The following CCSER1 variants were observed in gnomAD, a reference collection of about 807,000 sequenced individuals.
CCSER1 encodes coiled-coil serine rich protein 1.
A neutral mutation model predicts 82.0 loss-of-function variants in CCSER1; 41 were observed. The observed-to-expected ratio is 0.50, with a 90% CI of 0.39 to 0.65. The LOEUF (loss-of-function observed/expected upper bound fraction) is 0.65. Ranked by LOEUF, CCSER1 falls within the 30% of genes least tolerant of loss-of-function variation. The probability of loss-of-function intolerance (pLI) is 0.00; values close to 1 mark genes in which losing one functional copy is unlikely to be tolerated. For missense variants in CCSER1, 1,119 were observed against 1,064.2 expected (o/e 1.05, Z -0.72); for synonymous variants, 414 against 383.9 (o/e 1.08, Z -0.92).
chr4:90,654,300 CAT>C (rs1405046676), intron 6 of CCSER1, among the ~76,000 whole-genome samples: 1 of 152,078 alleles, frequency 6.6e-6, no homozygotes, highest in East Asian at 1.9e-4. Flanking sequence ...AATGGAATAA[CAT>C]ATACTTTATA....
Position 91,226,052 on chromosome 4 carries a change from T to C in CCSER1, c.2217+140058T>C, listed in dbSNP as rs116658191. 7.3e-4 allele frequency among the ~76,000 whole-genome samples: 111 copies of C among 152,054 alleles called. No individual in the cohort carries two copies. In the East Asian group the frequency reaches 0.02, roughly 28 times the overall value. On this transcript the variant is annotated intron_variant, in intron 10 of 10. Transcript: ENST00000509176. The stretch of plus-strand genomic sequence containing the variant: ...TAAGTTTTAGGGTACATGTACACAA[T>C]GTGCAGGTTAGTTACATATGTATAC...
At chr4:91,180,378 C>G (rs1733900748) in intron 10 of CCSER1, among the ~76,000 whole-genome samples, 1 of 152,216 alleles carries the variant, frequency 6.6e-6, no homozygotes, top group Non-Finnish European at 1.5e-5. Flanking sequence ...TTTCTGCTGC[C>G]TTTTGTTCAG....
At chr4:90,590,709 T>C (rs889503890) in intron 5 of CCSER1, among the ~76,000 whole-genome samples, 6 of 152,174 alleles carry the variant, frequency 3.9e-5, no homozygotes, top group Non-Finnish European at 8.8e-5. Context: ...AGCCTTGTAG[T>C]ATAGTTTGAA....
intron 9 of CCSER1, among the ~76,000 whole-genome samples, chr4:90,953,459 T>C (rs1245306662): frequency 6.6e-6 from 1 of 151,564 alleles, no homozygotes; most frequent in East Asian, 1.9e-4. Context: ...TTTACTATTG[T>C]CAAGGCAATT....
chr4:91,592,019 G>A (rs1170570471), intron 10 of CCSER1, among the ~76,000 whole-genome samples: 1 of 152,104 alleles, frequency 6.6e-6, no homozygotes, highest in African/African-American at 2.4e-5. Flanking sequence ...TATTAATGGA[G>A]TTCTCAGTAA....
At position 90,415,059 on chromosome 4, in the gene CCSER1, C is replaced by T. The variant is rs146680705; in HGVS notation, c.1603+14930C>T. On this transcript the variant is annotated intron_variant, in intron 4 of 10. Transcript: ENST00000509176. ...CACAAAAAGTTTACTAGTGTTATGA[C>T]GGTGAATTGAAAATGTTATTTTGAG... Among the ~76,000 whole-genome samples the T allele has an allele frequency of 2.6e-4, 39 of 152,128 alleles. No individual in the cohort carries two copies. The East Asian group carries it at 5.0e-3, about 20-fold the overall frequency.
intron 8 of CCSER1, among the ~76,000 whole-genome samples, chr4:90,877,471 G>T (rs1348272185): frequency 6.6e-6 from 1 of 152,038 alleles, no homozygotes; most frequent in Non-Finnish European, 1.5e-5. Context: ...CTGTAGTATT[G>T]GTTGTCTTCC....
chr4:91,165,001 G>A (rs947186320), intron 10 of CCSER1, among the ~76,000 whole-genome samples: 4 of 152,192 alleles, frequency 2.6e-5, no homozygotes, highest in African/African-American at 7.2e-5. Flanking sequence ...TCCTTTGAAG[G>A]AGAAGAGGTG....
intron 4 of CCSER1, among the ~76,000 whole-genome samples, chr4:90,459,627 T>A (rs986384748): frequency 1.1e-4 from 17 of 152,302 alleles, no homozygotes; most frequent in African/African-American, 3.8e-4. Flanking sequence ...CGATGTTTTT[T>A]CCACTATGTC....
intron 6 of CCSER1, among the ~76,000 whole-genome samples, chr4:90,647,318 TTG>T (rs1440273811): frequency 6.6e-6 from 1 of 152,098 alleles, no homozygotes; most frequent in African/African-American, 2.4e-5. Flanking sequence ...ACAGAGTAAA[TTG>T]TGTTTAAGGA....
At chr4:90,204,654 T>G (rs960600759) in intron 1 of CCSER1, among the ~76,000 whole-genome samples, 10 of 152,216 alleles carry the variant, frequency 6.6e-5, no homozygotes, top group African/African-American at 2.4e-4. Flanking sequence ...TCTTTTTGCT[T>G]AGGATTGTCT....
At chr4:90,248,887 A>T (rs1348110772) in intron 1 of CCSER1, among the ~76,000 whole-genome samples, 2 of 151,712 alleles carry the variant, frequency 1.3e-5, no homozygotes, top group African/African-American at 2.4e-5. Context: ...TTTTGTAGAG[A>T]CAGGGTTTCA....
intron 7 of CCSER1, chr4:90,780,665 T>C (rs1478615560): frequency 6.6e-6 from 9 of 1,361,150 alleles, no homozygotes; most frequent in Non-Finnish European, 8.5e-6. Context: ...CTTAAAATAA[T>C]AATGAACTAA....
At position 90,645,065 on chromosome 4, in the gene CCSER1, A is replaced by G. The variant is rs552517058; in HGVS notation, c.1932+16833A>G. ...CCGTTGCACTCCAGCCTGGGCAACA[A>G]GAGTAAAACTCCGTCTAAAAAAAAA... is the stretch of plus-strand genomic sequence containing the variant. On this transcript the variant is annotated intron_variant, in intron 6 of 10. Transcript: ENST00000509176. 2.1e-4 allele frequency among the ~76,000 whole-genome samples: 32 copies of G among 151,178 alleles called. No individual in the cohort carries two copies. In the South Asian group the frequency reaches 6.5e-3, roughly 31 times the overall value.
chr4:90,332,282 G>T (rs1272784876), intron 3 of CCSER1, among the ~76,000 whole-genome samples: 1 of 151,364 alleles, frequency 6.6e-6, no homozygotes, highest in Admixed American at 6.6e-5. Flanking sequence ...TATTGCCCAG[G>T]CTGGAGTGCA....
At chr4:90,240,194 G>A (rs1462885179) in intron 1 of CCSER1, among the ~76,000 whole-genome samples, 1 of 152,162 alleles carries the variant, frequency 6.6e-6, no homozygotes, top group South Asian at 2.1e-4. Context: ...CAAACCAGTG[G>A]CTATGTTTCA....
chr4:91,571,391 A>C (rs1164458410), intron 10 of CCSER1, among the ~76,000 whole-genome samples: 1 of 152,184 alleles, frequency 6.6e-6, no homozygotes, highest in Non-Finnish European at 1.5e-5. Flanking sequence ...GATTGTTCTC[A>C]GGCTGCTATC....
rs1311776947 is a variant in CCSER1, at chr4:90,483,237, C to T, written c.1724+14883C>T. On this transcript the variant is annotated intron_variant, in intron 5 of 10. Coordinates refer to ENST00000509176, the MANE Select transcript of CCSER1 (RefSeq NM_001145065.2). ...TTCCGTTTGCTTGGCAGATCTTCCT[C>T]CATCCCTTTATTTTGAGCCTATGTG... is the stretch of plus-strand genomic sequence containing the variant. Among the ~76,000 whole-genome samples, 9 of 152,178 alleles carry T rather than the reference C, an allele frequency of 5.9e-5. No homozygotes were observed. The South Asian group carries it at 1.9e-3, about 31-fold the overall frequency.
intron 5 of CCSER1, among the ~76,000 whole-genome samples, chr4:90,616,990 T>C (rs1305669101): frequency 6.6e-6 from 1 of 152,128 alleles, no homozygotes; most frequent in Non-Finnish European, 1.5e-5. Flanking sequence ...TTGCTGTGTG[T>C]ATCCTGTTCA....
Sources: allele counts gnomAD v4.1 joint callset (sites outside exome capture counted in the v4.1 genomes callset), GRCh38; gene constraint gnomAD v4.1.1; transcripts MANE v1.5; gene names NCBI Gene and HGNC (gene_info 2026-07-23, HGNC 2026-07-21).